The following TBL1Y variants were observed in gnomAD, a reference collection of about 807,000 sequenced individuals.
TBL1Y encodes F-box-like/WD repeat-containing protein TBL1Y.
Under a neutral mutation model 12.0 loss-of-function variants are expected in TBL1Y, and 15 were observed. The observed-to-expected ratio is 1.25, with a 90% CI of 0.83 to 1.92. The LOEUF is 1.92. Ranked by LOEUF, TBL1Y falls within the 40% of genes most tolerant of loss-of-function variation. The pLI is 0.00. For missense variants in TBL1Y, 148 were observed against 116.7 expected (o/e 1.27, Z -1.24); for synonymous variants, 53 against 42.6 (o/e 1.24, Z -0.95).
intron 7 of TBL1Y, 53 bp from the exon 8 acceptor site, chrY:7,063,844 C>G: frequency 2.5e-6 from 1 of 393,481 alleles, no homozygotes; most frequent in Non-Finnish European, 3.6e-6. Flanking sequence ...GAGACCATTC[C>G]CAGAGCCCTC....
chrY:7,080,524 G>A, intron 13 of TBL1Y, among the ~76,000 whole-genome samples: 1 of 33,051 alleles, frequency 3.0e-5, no homozygotes, highest in African/African-American at 1.2e-4. Context: ...GGACACTGAG[G>A]TGGGAGGACC....
chrY:6,916,722 A>C, intron 2 of TBL1Y, among the ~76,000 whole-genome samples: 1 of 33,559 alleles, frequency 3.0e-5, no homozygotes, highest in Admixed American at 2.8e-4. Flanking sequence ...ATGCTGTCTC[A>C]AAAATATATA....
chrY:7,071,633 G>T lies in TBL1Y; in HGVS notation c.796+10G>T. ...ATATGGACAGAAAATGGTAAGTCCT[G>T]CACCCCTCCTGCATGGGTCAGGTAA... On this transcript the variant is annotated intron_variant, in intron 11 of 18. Transcript: ENST00000383032. The T allele has an allele frequency of 2.5e-6, 1 of 394,665 alleles. No individual in the cohort carries two copies. Among genetic ancestry groups the T allele is most frequent in the Non-Finnish European group, 3.6e-6 (1 of 280,324 alleles).
intron 2 of TBL1Y, among the ~76,000 whole-genome samples, chrY:6,965,052 C>T (rs373080734): frequency 3.4e-4 from 11 of 32,169 alleles, no homozygotes; most frequent in African/African-American, 1.3e-3. Flanking sequence ...TACTGAAATT[C>T]GGCTGGCGGC....
chrY:7,026,398 G>T (rs567088100), intron 6 of TBL1Y, among the ~76,000 whole-genome samples: 3 of 33,689 alleles, frequency 8.9e-5, no homozygotes, highest in Admixed American at 2.7e-4. Context: ...TAGCACAGGT[G>T]ATCTCCTGTC....
intron 8 of TBL1Y, among the ~76,000 whole-genome samples, chrY:7,064,506 G>C (rs548709005): frequency 3.0e-5 from 1 of 33,651 alleles, no homozygotes; most frequent in Non-Finnish European, 7.3e-5. Flanking sequence ...TGGCCAAATT[G>C]TGGTATAATC....
At chrY:6,951,331 A>G (rs763629700) in intron 2 of TBL1Y, among the ~76,000 whole-genome samples, 1 of 33,059 alleles carries the variant, frequency 3.0e-5, no homozygotes, top group African/African-American at 1.2e-4. Context: ...TTGGTTGGTA[A>G]GCTATTAACT....
intron 4 of TBL1Y, among the ~76,000 whole-genome samples, chrY:7,006,757 T>G (rs1603037419): frequency 1.5e-4 from 5 of 32,830 alleles, no homozygotes; most frequent in African/African-American, 3.5e-4. Flanking sequence ...TCAAACCAAT[T>G]TACAAGAAAA....
chrY:7,082,154 G>A (rs2013102560), intron 14 of TBL1Y, among the ~76,000 whole-genome samples: 1 of 32,587 alleles, frequency 3.1e-5, no homozygotes, highest in African/African-American at 1.2e-4. Context: ...AATTTGAGAA[G>A]CTCAGGAAAT....
At chrY:7,026,047 A>T in intron 6 of TBL1Y, among the ~76,000 whole-genome samples, 1 of 33,202 alleles carries the variant, frequency 3.0e-5, no homozygotes, top group Non-Finnish European at 7.4e-5. Flanking sequence ...AGCCACCCAG[A>T]ATGGCTCAAG....
chrY:7,040,657 G>A (rs1569366956), intron 6 of TBL1Y, among the ~76,000 whole-genome samples: 1 of 33,990 alleles, frequency 2.9e-5, no homozygotes, highest in East Asian at 7.8e-4. Flanking sequence ...TCCTCTGCCT[G>A]TGGGTCTTGA....
At chrY:6,937,976 G>A in intron 2 of TBL1Y, among the ~76,000 whole-genome samples, 1 of 33,512 alleles carries the variant, frequency 3.0e-5, no homozygotes, top group Non-Finnish European at 7.4e-5. Context: ...CTCCAGGGCT[G>A]AGGTCATGGG....
intron 7 of TBL1Y, among the ~76,000 whole-genome samples, chrY:7,044,755 C>T (rs2012749246): frequency 1.2e-4 from 4 of 32,661 alleles, no homozygotes; most frequent in African/African-American, 4.8e-4. Flanking sequence ...ACATGATCCT[C>T]CTGCTTCAGC....
intron 2 of TBL1Y, among the ~76,000 whole-genome samples, chrY:6,975,760 C>A (rs2012234470): frequency 3.0e-5 from 1 of 33,148 alleles, no homozygotes; most frequent in Admixed American, 2.8e-4. Context: ...AGAAAAGATT[C>A]ATAATGATTA....
chrY:7,038,926 C>T (rs780504621), intron 6 of TBL1Y, among the ~76,000 whole-genome samples: 1 of 33,898 alleles, frequency 3.0e-5, no homozygotes, highest in African/African-American at 1.1e-4. Flanking sequence ...GTGTTGTTCT[C>T]ATCTGTGTTC....
chrY:7,073,679 T>C (rs2013046806), intron 12 of TBL1Y, among the ~76,000 whole-genome samples: 1 of 33,798 alleles, frequency 3.0e-5, no homozygotes, highest in Non-Finnish European at 7.3e-5. Context: ...TTAAAAATGC[T>C]CACAGTCAAC....
intron 2 of TBL1Y, among the ~76,000 whole-genome samples, chrY:6,936,604 A>G: frequency 3.0e-5 from 1 of 33,894 alleles, no homozygotes; most frequent in Non-Finnish European, 7.3e-5. Context: ...TTCGGGGGAA[A>G]GATAATACTT....
At chrY:7,020,157 AGC>A in intron 4 of TBL1Y, among the ~76,000 whole-genome samples, 1 of 33,538 alleles carries the variant, frequency 3.0e-5, no homozygotes, top group Non-Finnish European at 7.4e-5. Context: ...CACCACTCAT[AGC>A]TTCGCTGGTA....
chrY:6,934,614 T>C (rs1042218265), intron 2 of TBL1Y, among the ~76,000 whole-genome samples: 6 of 34,318 alleles, frequency 1.7e-4, no homozygotes, highest in Admixed American at 5.3e-4. Context: ...TGGACTGTTA[T>C]TAGTTTCACT....
Sources: gnomAD v4.1 joint callset for allele counts (sites outside exome capture counted in the v4.1 genomes callset) on GRCh38, gnomAD v4.1.1 for gene constraint, MANE v1.5 for transcripts, NCBI Gene and HGNC (gene_info 2026-07-23, HGNC 2026-07-21) for gene names.